GPBP1L1: variants seen among roughly 807,000 people sequenced by gnomAD.
GPBP1L1 encodes GC-rich promoter binding protein 1 like 1.
A neutral mutation model predicts 52.5 loss-of-function variants in GPBP1L1; 23 were observed. That is an observed-to-expected ratio of 0.44 (90% CI 0.32 to 0.62). The LOEUF is 0.62. Ranked by LOEUF, GPBP1L1 falls within the 20% of genes least tolerant of loss-of-function variation. GPBP1L1 has a pLI of 0.06. For missense variants in GPBP1L1, 596 were observed against 579.3 expected, an observed-to-expected ratio of 1.03 and a Z score of -0.30; for synonymous variants, 243 against 203.1, an observed-to-expected ratio of 1.20 and a Z score of -1.67.
intron 10 of GPBP1L1, among the ~76,000 whole-genome samples, chr1:45,632,444 G>T (rs1448542938): frequency 6.6e-6 from 1 of 152,100 alleles, no homozygotes; most frequent in Non-Finnish European, 1.5e-5. Context: ...GGCCACATGT[G>T]GTGGCTTATG....
chr1:45,663,034 G>C (rs1251379685), intron 2 of GPBP1L1, among the ~76,000 whole-genome samples: 1 of 116,966 alleles, frequency 8.5e-6, no homozygotes, highest in Non-Finnish European at 1.7e-5. Context: ...CTGGGTGACA[G>C]AGCCAGACTC....
intron 2 of GPBP1L1, among the ~76,000 whole-genome samples, chr1:45,661,868 AGAT>A (rs1307508545): frequency 6.6e-6 from 1 of 152,168 alleles, no homozygotes; most frequent in African/African-American, 2.4e-5. Context: ...TTTCAGATAT[AGAT>A]TTTTCTCTCA....
chr1:45,654,076 C>T (rs187147681), intron 6 of GPBP1L1, among the ~76,000 whole-genome samples: 1 of 152,040 alleles, frequency 6.6e-6, no homozygotes, highest in East Asian at 1.9e-4. Context: ...ATTTAAGAGG[C>T]CAAAAGGCAT....
chr1:45,667,908 T>A (rs1645029464), intron 2 of GPBP1L1, among the ~76,000 whole-genome samples: 1 of 151,988 alleles, frequency 6.6e-6, no homozygotes, highest in African/African-American at 2.4e-5. Context: ...TGACCTGTAT[T>A]TTGTATTTTT....
At position 45,654,744 on chromosome 1, in the gene GPBP1L1, G is replaced by T. The variant is rs1644863010; in HGVS notation, c.276C>A (p.Asn92Lys). The T allele has an allele frequency of 6.2e-7, 1 of 1,614,130 alleles. No homozygotes were observed. The highest frequency in any genetic ancestry group is 8.5e-7 in the Non-Finnish European group (1 of 1,180,004). Residue 92 changes from asparagine to lysine, a missense_variant, in exon 6 of 13, where the codon AAC (asparagine) becomes AAA (lysine). Asn to Lys is a moderately conservative substitution (Grantham distance 94). Transcript: ENST00000355105. ...SKGAYAGITG[N>K]PSGWHSSSRG... ...GGGAAGAGCTATGCCAACCAGATGG[G>T]TTCCCTGTGATTCCAGCATATGCTC...
At chr1:45,629,355 G>C (rs908198988) in intron 12 of GPBP1L1, among the ~76,000 whole-genome samples, 1 of 151,852 alleles carries the variant, frequency 6.6e-6, no homozygotes, top group Non-Finnish European at 1.5e-5. Flanking sequence ...CTATTTTTTG[G>C]AATCTGCTAA....
At chr1:45,683,203 C>CTTTTTT (rs764606358) in intron 2 of GPBP1L1, among the ~76,000 whole-genome samples, 4 of 83,776 alleles carry the variant, frequency 4.8e-5, no homozygotes, top group Non-Finnish European at 6.5e-5. Flanking sequence ...GAATATAGGC[C>CTTTTTT]TTTTTTTTTT....
intron 2 of GPBP1L1, among the ~76,000 whole-genome samples, chr1:45,679,634 A>G (rs1001568731): frequency 1.3e-5 from 2 of 152,196 alleles, no homozygotes; most frequent in Non-Finnish European, 2.9e-5. Context: ...AAGAAACAAC[A>G]AAGAACCATT....
At chr1:45,675,810 G>C (rs1237938988) in intron 2 of GPBP1L1, among the ~76,000 whole-genome samples, 2 of 152,142 alleles carry the variant, frequency 1.3e-5, no homozygotes, top group Non-Finnish European at 2.9e-5. Context: ...CAAAGTGCTA[G>C]GATTACAGGC....
chr1:45,653,368 T>C (rs1016344448), intron 6 of GPBP1L1, among the ~76,000 whole-genome samples: 5 of 152,066 alleles, frequency 3.3e-5, no homozygotes, highest in African/African-American at 7.2e-5. Flanking sequence ...AGCTAGTCTG[T>C]ATAAGAAACA....
At position 45,629,456 on chromosome 1, in the gene GPBP1L1, C is replaced by CG. The variant is rs1557691716; in HGVS notation, c.1272+119_1272+120insC. ...CCACTACATTTCTACTAAGGTAATCCCCCCCCCCCCCACCCGATCTTTCTC... is the reference window on the plus strand; with the variant it reads ...CCACTACATTTCTACTAAGGTAATCCGCCCCCCCCCCCACCCGATCTTTCTC... On this transcript the variant is annotated intron_variant, in intron 12 of 12. Coordinates refer to ENST00000355105, the MANE Select transcript of GPBP1L1 (RefSeq NM_021639.5). 2.5e-4 allele frequency: 22 copies of CG among 88,146 alleles called. 3 individuals carry two copies. In the South Asian group the frequency reaches 4.4e-3, roughly 18 times the overall value. The allele number at this position is 88,146 out of a possible 1,614,324, so 5.5% of individuals were successfully genotyped here.
At chr1:45,647,998 T>G (rs1331751316) in intron 6 of GPBP1L1, among the ~76,000 whole-genome samples, 1 of 152,154 alleles carries the variant, frequency 6.6e-6, no homozygotes, top group Non-Finnish European at 1.5e-5. Flanking sequence ...TGGAATGAAG[T>G]GGTGCCATCT....
chr1:45,684,822 C>A (rs898870689), intron 2 of GPBP1L1, among the ~76,000 whole-genome samples: 1 of 152,078 alleles, frequency 6.6e-6, no homozygotes, highest in Non-Finnish European at 1.5e-5. Flanking sequence ...AACAAAAAAT[C>A]CTAGGGGTAT....
At chr1:45,645,468 T>C (rs1018458544) in intron 6 of GPBP1L1, among the ~76,000 whole-genome samples, 10 of 152,254 alleles carry the variant, frequency 6.6e-5, no homozygotes, top group Non-Finnish European at 5.9e-5. Flanking sequence ...TTCCATATTA[T>C]GCACAAGTTT....
intron 8 of GPBP1L1, among the ~76,000 whole-genome samples, chr1:45,639,557 T>C (rs569452431): frequency 2.9e-5 from 4 of 137,398 alleles, no homozygotes; most frequent in African/African-American, 1.1e-4. Flanking sequence ...TGAGATTCTG[T>C]CTCTACAAAA....
intron 2 of GPBP1L1, among the ~76,000 whole-genome samples, chr1:45,672,911 G>A (rs1307455283): frequency 6.6e-6 from 1 of 152,216 alleles, no homozygotes; most frequent in Non-Finnish European, 1.5e-5. Flanking sequence ...GTGAAAGCCT[G>A]ATTCCAGTGA....
At chr1:45,673,919 A>G (rs1645106818) in intron 2 of GPBP1L1, among the ~76,000 whole-genome samples, 1 of 152,138 alleles carries the variant, frequency 6.6e-6, no homozygotes, top group Admixed American at 6.5e-5. Flanking sequence ...TATACTCTCA[A>G]AAGTCAATGA....
Position 45,630,534 on chromosome 1 carries a change from G to C in GPBP1L1, c.1117C>G (p.Pro373Ala). The C allele has an allele frequency of 6.2e-7, 1 of 1,613,970 alleles. No individual in the cohort carries two copies. Among genetic ancestry groups the C allele is most frequent in the Admixed American group, 1.7e-5 (1 of 60,010 alleles). The change falls in exon 11 of 13, where the codon CCT becomes GCT. Residue 373 changes from proline (P) to alanine (A), a missense_variant. By Grantham distance (27) the Pro-to-Ala change is conservative. Coordinates refer to ENST00000355105, the MANE Select transcript of GPBP1L1 (RefSeq NM_021639.5). Reference protein sequence around the residue: ...EGCHQNGLALPVVEEGEVLSH... With the variant: ...EGCHQNGLALAVVEEGEVLSH... ...AGAACCTCCCCTTCTTCCACTACAGGGAGGGCAAGACCATTTTGATGACAG... is the reference window on the plus strand; with the variant it reads ...AGAACCTCCCCTTCTTCCACTACAGCGAGGGCAAGACCATTTTGATGACAG...
At chr1:45,678,971 G>GT (rs1645180444) in intron 2 of GPBP1L1, among the ~76,000 whole-genome samples, 1 of 152,202 alleles carries the variant, frequency 6.6e-6, no homozygotes, top group African/African-American at 2.4e-5. Context: ...GTGAACAGTA[G>GT]TAACTCCTGT....
Sources: gnomAD v4.1 joint callset for allele counts (sites outside exome capture counted in the v4.1 genomes callset) on GRCh38, gnomAD v4.1.1 for gene constraint, MANE v1.5 for transcripts, NCBI Gene and HGNC (gene_info 2026-07-23, HGNC 2026-07-21) for gene names.